The following HECW1 variants were observed in gnomAD, a reference collection of about 807,000 sequenced individuals.
HECW1 encodes HECT, C2 and WW domain containing E3 ubiquitin protein ligase 1, also known as E3 ubiquitin-protein ligase HECW1.
In HECW1, 61 loss-of-function variants were observed where a neutral mutation model predicts 182.3. The ratio of observed to expected loss-of-function variants is 0.33; its 90% CI spans 0.27 to 0.41. The LOEUF is 0.41. HECW1 is among the 10% of genes least tolerant of loss of function. The pLI, the probability that HECW1 is intolerant of heterozygous loss-of-function variation, is 1.00. For synonymous variants in HECW1, 859 were observed against 832.6 expected (o/e 1.03, Z -0.55); for missense variants, 1,739 against 2,108.9 (o/e 0.82, Z 3.44).
chr7:43,136,213 G>A (rs1390282449), intron 2 of HECW1, among the ~76,000 whole-genome samples: 1 of 152,114 alleles, frequency 6.6e-6, no homozygotes, highest in African/African-American at 2.4e-5. Flanking sequence ...GACAGGATGA[G>A]GGCTCTAGAC....
intron 19 of HECW1, among the ~76,000 whole-genome samples, chr7:43,495,181 G>A (rs1479523970): frequency 6.6e-6 from 1 of 152,026 alleles, no homozygotes; most frequent in African/African-American, 2.4e-5. Context: ...TGTTACACAG[G>A]TATACATGCA....
chr7:43,515,430 T>C (rs905263236), intron 24 of HECW1, among the ~76,000 whole-genome samples: 4 of 152,096 alleles, frequency 2.6e-5, no homozygotes, highest in Non-Finnish European at 5.9e-5. Flanking sequence ...GAAATAGTTG[T>C]AGGAAGAGAT....
At chr7:43,192,017 T>C (rs1448891778) in intron 2 of HECW1, among the ~76,000 whole-genome samples, 1 of 151,010 alleles carries the variant, frequency 6.6e-6, no homozygotes, top group Non-Finnish European at 1.5e-5. Flanking sequence ...TGGAGTGCAA[T>C]GGCATGATCT....
At chr7:43,368,732 G>T (rs1312310227) in intron 6 of HECW1, among the ~76,000 whole-genome samples, 1 of 152,174 alleles carries the variant, frequency 6.6e-6, no homozygotes, top group East Asian at 1.9e-4. Context: ...TCTCAAGTCT[G>T]GAGATGCTGT....
rs541720565 is a variant in HECW1 at position 43,556,698 on chromosome 7, A to T, written c.4709+1908A>T. The stretch of plus-strand genomic sequence containing the variant: ...GTGAGACCTTGTCTCAAATTAAATT[A>T]AAAAAAAAAAAGAAAGAAAAAAGAA... On this transcript the variant is annotated intron_variant, in intron 29 of 29. Coordinates refer to ENST00000395891, the MANE Select transcript of HECW1 (RefSeq NM_015052.5). Among the ~76,000 whole-genome samples, 536 of 94,472 alleles carry T rather than the reference A, an allele frequency of 5.7e-3. 1 individual carries two copies. Among genetic ancestry groups the T allele is most frequent in the African/African-American group, 0.016 (454 of 28,104 alleles). The allele number at this position is 94,472 out of a possible 152,430, so 62.0% of individuals were successfully genotyped here.
At chr7:43,211,780 C>T (rs1350627860) in intron 2 of HECW1, among the ~76,000 whole-genome samples, 3 of 152,128 alleles carry the variant, frequency 2.0e-5, no homozygotes, top group Admixed American at 2.0e-4. Context: ...AATAATAAAT[C>T]AAGACATCAT....
Position 43,444,556 on chromosome 7 carries a change from C to G in HECW1, c.1384C>G (p.Leu462Val). 6.2e-7 allele frequency: 1 copy of G among 1,611,054 alleles called. No homozygotes were observed. The highest frequency in any genetic ancestry group is 8.5e-7 in the Non-Finnish European group (1 of 1,178,800). ...APSAEELAEQ[L>V]DLGEEASALL... The stretch of plus-strand genomic sequence containing the variant: ...CAGTGCAGAAGAGCTGGCCGAGCAG[C>G]TGGACCTGGGTGAGGAGGCATCAGC... The change falls in exon 11 of 30, where the codon CTG (leucine) becomes GTG (valine). Residue 462 changes from leucine to valine, a missense_variant. By Grantham distance (32) the Leu-to-Val change is conservative (BLOSUM62 1). Coordinates refer to ENST00000395891, the MANE Select transcript of HECW1 (RefSeq NM_015052.5). This position sits in a 1 kb window ranked among gnomAD's most constrained non-coding sequence, Gnocchi z 4.3.
At position 43,541,954 on chromosome 7, in the gene HECW1, A is replaced by G; in HGVS notation, c.4204A>G (p.Ile1402Val). The change falls in exon 26 of 30, where the codon ATC becomes GTC. Residue 1402 changes from isoleucine (I) to valine (V), a missense_variant. By Grantham distance (29) the Ile-to-Val change is conservative. Around this residue, in one of 5 missense-constraint regions of HECW1, gnomAD observed 420 missense variants for 595.7 expected, o/e 0.71. Transcript: ENST00000395891. ...GATGAAGGACAACAACATCACAGAC[A>G]TCTTAGACCTCACTTTCACTGTTAA... The part of the protein sequence containing the change: ...QWMKDNNITD[I>V]LDLTFTVNEE... 6.4e-7 allele frequency: 1 copy of G among 1,558,236 alleles called. No individual in the cohort carries two copies. Among genetic ancestry groups the G allele is most frequent in the South Asian group, 1.2e-5 (1 of 81,232 alleles).
chr7:43,423,844 T>C (rs756187416), intron 8 of HECW1, among the ~76,000 whole-genome samples: 8 of 152,172 alleles, frequency 5.3e-5, no homozygotes, highest in Non-Finnish European at 7.3e-5. Flanking sequence ...AGTTGAAGAC[T>C]AACACTAAAA....
chr7:43,142,169 C>T (rs1270395272), intron 2 of HECW1, among the ~76,000 whole-genome samples: 1 of 152,110 alleles, frequency 6.6e-6, no homozygotes, highest in Non-Finnish European at 1.5e-5. Flanking sequence ...GAACGCCTGG[C>T]CTGGATACCC....
intron 6 of HECW1, among the ~76,000 whole-genome samples, chr7:43,369,646 T>A (rs1817081573): frequency 6.6e-6 from 1 of 152,186 alleles, no homozygotes; most frequent in Admixed American, 6.5e-5. Flanking sequence ...AAGATAAATA[T>A]ATTCATATGA....
rs139377219 is a variant in HECW1, at chr7:43,354,620, A to G, written c.461-6266A>G. On this transcript the variant is annotated intron_variant, in intron 5 of 29. Coordinates refer to ENST00000395891, the MANE Select transcript of HECW1 (RefSeq NM_015052.5). Reference sequence around the variant, plus strand: ...TTTGAAAATACGCAGAGGAGAAAAAAGAAAAAACAATAAAAAGGAACAAAG... The same window carrying G: ...TTTGAAAATACGCAGAGGAGAAAAAGGAAAAAACAATAAAAAGGAACAAAG... 2.4e-3 allele frequency among the ~76,000 whole-genome samples: 370 copies of G among 152,308 alleles called. 2 individuals are homozygous for G. The highest frequency in any genetic ancestry group is 8.6e-3 in the African/African-American group (358 of 41,586).
intron 5 of HECW1, among the ~76,000 whole-genome samples, chr7:43,336,141 TC>T (rs1812204704): frequency 5.3e-4 from 34 of 64,610 alleles, no homozygotes; most frequent in South Asian, 3.7e-3. Flanking sequence ...TCTCTCTCTC[TC>T]TTTCTCTCTC....
intron 2 of HECW1, among the ~76,000 whole-genome samples, chr7:43,198,648 C>CT (rs1442607240): frequency 6.7e-6 from 1 of 150,322 alleles, no homozygotes; most frequent in African/African-American, 2.4e-5. Context: ...ACCCCACACT[C>CT]TATCTCACAC....
chr7:43,560,214 AATC>A (rs199831977), intron 29 of HECW1, among the ~76,000 whole-genome samples: 1,689 of 152,364 alleles, frequency 0.011, 11 homozygotes, highest in Middle Eastern at 0.037. Context: ...CATAGAGAGA[AATC>A]ACTGTAACCA....
chr7:43,530,307 T>A (rs1303778775), intron 24 of HECW1, among the ~76,000 whole-genome samples: 2 of 151,894 alleles, frequency 1.3e-5, no homozygotes, highest in Non-Finnish European at 2.9e-5. Context: ...AAACTCCTAT[T>A]TGAAACTCTA....
intron 17 of HECW1, among the ~76,000 whole-genome samples, chr7:43,482,690 G>A (rs1279276784): frequency 6.6e-6 from 1 of 152,184 alleles, no homozygotes; most frequent in African/African-American, 2.4e-5. Context: ...AGCATCACTT[G>A]AGCCTAGGAG....
At chr7:43,196,537 G>A (rs563452678) in intron 2 of HECW1, among the ~76,000 whole-genome samples, 40 of 152,304 alleles carry the variant, frequency 2.6e-4, no homozygotes, top group African/African-American at 9.6e-4. Context: ...GTTTGCCACA[G>A]GTCCCGGCTC....
intron 14 of HECW1, 60 bp from the exon 15 acceptor site, chr7:43,466,387 A>T: frequency 2.5e-6 from 4 of 1,574,614 alleles, no homozygotes; most frequent in Non-Finnish European, 3.5e-6. Context: ...GGAGCGAAGT[A>T]CAGAGGTTGA....
Sources: gnomAD v4.1 joint callset for allele counts (sites outside exome capture counted in the v4.1 genomes callset) on GRCh38, gnomAD v4.1.1 for gene constraint, gnomAD v4.1.1 regional missense constraint, Gnocchi (gnomAD v3.1) non-coding constraint, MANE v1.5 for transcripts, NCBI Gene and HGNC (gene_info 2026-07-23, HGNC 2026-07-21) for gene names.